PRKN: variants seen among roughly 807,000 people sequenced by gnomAD.
PRKN encodes the protein E3 ubiquitin-protein ligase parkin.
PRKN carries 56 observed loss-of-function variants against 59.5 expected under a neutral mutation model. The observed-to-expected ratio is 0.94, with a 90% CI of 0.76 to 1.18. The LOEUF (loss-of-function observed/expected upper bound fraction) is 1.18. PRKN is among the 50% of genes most tolerant of loss of function. The pLI, the probability that PRKN is intolerant of heterozygous loss-of-function variation, is 0.00. For synonymous variants in PRKN, 250 were observed against 222.1 expected (o/e 1.13, Z -1.12); for missense variants, 657 against 596.4 (o/e 1.10, Z -1.06).
chr6:162,674,537 A>T (rs1278732342), intron 1 of PRKN, among the ~76,000 whole-genome samples: 3 of 152,190 alleles, frequency 2.0e-5, no homozygotes, highest in Non-Finnish European at 4.4e-5. Context: ...AGGACACGAG[A>T]AGCTGATGGT....
At chr6:162,727,754 TGGGTTAAATCCTCCA>T in exon 1 of PRKN, 1 of 1,412,582 alleles carries the variant, frequency 7.1e-7, no homozygotes, top group Non-Finnish European at 9.8e-7. Flanking sequence ...GCGGCTCTCC[TGGGTTAAATCCTCCA>T]GGCCTCCCCG....
chr6:162,084,675 A>T (rs76893234), intron 4 of PRKN, among the ~76,000 whole-genome samples: 132 of 152,248 alleles, frequency 8.7e-4, no homozygotes, highest in Non-Finnish European at 1.3e-3. Flanking sequence ...CTACTGCTAT[A>T]TTCAATGAAA....
Position 161,407,586 on chromosome 6 carries a change from G to C in PRKN, c.1084-20709C>G, listed in dbSNP as rs888435184. Among the ~76,000 whole-genome samples the C allele has an allele frequency of 6.6e-6, 1 of 152,172 alleles. No individual in the cohort carries two copies. The highest frequency in any genetic ancestry group is 2.4e-5 in the African/African-American group (1 of 41,420). On this transcript the variant is annotated intron_variant, in intron 9 of 11. Coordinates refer to ENST00000366898, the MANE Select transcript of PRKN (RefSeq NM_004562.3). This position sits in a 1 kb window ranked among gnomAD's most constrained non-coding sequence, Gnocchi z 4.9. ...ACACAAAAAGGTACTTCTTAGAGTT[G>C]AGGATAAGTGTTGGATGCAAAGCTG...
At chr6:162,535,908 A>AG (rs1187320758) in intron 1 of PRKN, among the ~76,000 whole-genome samples, 6 of 118,284 alleles carry the variant, frequency 5.1e-5, no homozygotes, top group Non-Finnish European at 1.1e-4. Flanking sequence ...ACCCTGTCTC[A>AG]AAAAAAAAAA....
At chr6:161,416,623 G>C (rs1787864302) in intron 9 of PRKN, among the ~76,000 whole-genome samples, 1 of 152,098 alleles carries the variant, frequency 6.6e-6, no homozygotes, top group South Asian at 2.1e-4. Flanking sequence ...AGCCTCATCC[G>C]CTGCTGCCTC....
chr6:162,539,090 C>T (rs1476023439), intron 1 of PRKN, among the ~76,000 whole-genome samples: 2 of 152,098 alleles, frequency 1.3e-5, no homozygotes, highest in Non-Finnish European at 2.9e-5. Flanking sequence ...AAATAGAAAC[C>T]AGGGGACATA....
chr6:161,467,491 C>T lies in PRKN; in HGVS notation c.1084-80614G>A, dbSNP rs1297065389. 6.6e-6 allele frequency among the ~76,000 whole-genome samples: 1 copy of T among 152,078 alleles called. No homozygotes were observed. Among genetic ancestry groups the T allele is most frequent in the Non-Finnish European group, 1.5e-5 (1 of 68,028 alleles). ...GGCATTTCTCTGTAAGCATATGGTC[C>T]AATGGGGAAGACCTAGATACAATTT... is the stretch of plus-strand genomic sequence containing the variant. On this transcript the variant is annotated intron_variant, in intron 9 of 11. Transcript: ENST00000366898. This position sits in a 1 kb window ranked among gnomAD's most constrained non-coding sequence, Gnocchi z 4.3.
intron 2 of PRKN, among the ~76,000 whole-genome samples, chr6:162,277,699 T>C (rs894472473): frequency 1.3e-5 from 2 of 151,620 alleles, no homozygotes; most frequent in South Asian, 4.1e-4. Context: ...CCACATCTTA[T>C]GTCCTCAGGG....
Position 162,321,024 on chromosome 6 carries a change from T to A in PRKN, c.172-58259A>T, listed in dbSNP as rs997763595. 2.6e-5 allele frequency among the ~76,000 whole-genome samples: 4 copies of A among 151,542 alleles called. No individual in the cohort carries two copies. In the South Asian group the frequency reaches 6.2e-4, roughly 24 times the overall value. ...AGAAGAAAAAAGAAAACAATAACGATCAAGGTGAAAAATCACTGGTTGAGA... is the reference window on the plus strand; with the variant it reads ...AGAAGAAAAAAGAAAACAATAACGAACAAGGTGAAAAATCACTGGTTGAGA... On this transcript the variant is annotated intron_variant, in intron 2 of 11. Coordinates refer to ENST00000366898, the MANE Select transcript of PRKN (RefSeq NM_004562.3).
At position 161,514,635 on chromosome 6, in the gene PRKN, T is replaced by C. The variant is rs146270811; in HGVS notation, c.1083+34219A>G. ...GTGATGGGTGGGGAGGAAACTGGAGTTGGGGGATAGCCGTTTGTCCTGATG... is the reference window on the plus strand; with the variant it reads ...GTGATGGGTGGGGAGGAAACTGGAGCTGGGGGATAGCCGTTTGTCCTGATG... On this transcript the variant is annotated intron_variant, in intron 9 of 11. Transcript: ENST00000366898. 4.2e-3 allele frequency among the ~76,000 whole-genome samples: 636 copies of C among 151,268 alleles called. 11 individuals carry two copies. Among genetic ancestry groups the C allele is most frequent in the East Asian group, 0.026 (132 of 5,114 alleles).
chr6:162,719,905 A>C (rs1301104394), intron 1 of PRKN, among the ~76,000 whole-genome samples: 208 of 27,346 alleles, frequency 7.6e-3, no homozygotes, highest in Middle Eastern at 0.01. Context: ...AAAAAAAAAA[A>C]AAAAAAAAAA....
intron 1 of PRKN, among the ~76,000 whole-genome samples, chr6:162,470,612 G>A (rs990106541): frequency 3.3e-5 from 5 of 152,110 alleles, no homozygotes; most frequent in Non-Finnish European, 5.9e-5. Flanking sequence ...TGCTTGTGAA[G>A]CATACATTCT....
At chr6:162,200,660 A>G (rs1784687900) in intron 4 of PRKN, among the ~76,000 whole-genome samples, 1 of 152,006 alleles carries the variant, frequency 6.6e-6, no homozygotes, top group Non-Finnish European at 1.5e-5. Flanking sequence ...GCTGATCCAT[A>G]CTCTTTTTTT....
rs1786204669 is a variant in PRKN, at chr6:161,385,577, T to G, written c.1167+1217A>C. ...TTCCCTTACAGCTACTGTTTCCAAATAAATACTGTAGATGCCAGAGTATCA... is the reference window on the plus strand; with the variant it reads ...TTCCCTTACAGCTACTGTTTCCAAAGAAATACTGTAGATGCCAGAGTATCA... On this transcript the variant is annotated intron_variant, in intron 10 of 11. Coordinates refer to ENST00000366898, the MANE Select transcript of PRKN (RefSeq NM_004562.3). The surrounding 1 kb of genome is among the most constrained non-coding windows in gnomAD (Gnocchi z 4.9). Among the ~76,000 whole-genome samples the G allele has an allele frequency of 6.6e-6, 1 of 152,182 alleles. No homozygotes were observed. The highest frequency in any genetic ancestry group is 2.1e-4 in the South Asian group (1 of 4,832).
At chr6:161,815,049 G>A (rs956571008) in intron 6 of PRKN, among the ~76,000 whole-genome samples, 2 of 152,176 alleles carry the variant, frequency 1.3e-5, no homozygotes, top group South Asian at 4.1e-4. Context: ...CTCTCTAGGT[G>A]TGTGCAACCA....
intron 1 of PRKN, among the ~76,000 whole-genome samples, chr6:162,657,735 G>A (rs1316100686): frequency 3.3e-5 from 5 of 152,158 alleles, no homozygotes; most frequent in Non-Finnish European, 1.5e-5. Context: ...CCATATTGTA[G>A]TCAGATGTGA....
intron 7 of PRKN, among the ~76,000 whole-genome samples, chr6:161,570,084 C>A (rs1161588156): frequency 7.3e-6 from 1 of 137,870 alleles, no homozygotes; most frequent in Admixed American, 8.0e-5. Context: ...AGACTTTCAC[C>A]TTTTCCTTCT....
intron 7 of PRKN, among the ~76,000 whole-genome samples, chr6:161,745,377 G>A (rs74658339): frequency 0.026 from 3,913 of 152,236 alleles, 175 homozygotes; most frequent in African/African-American, 0.09. Flanking sequence ...GGGAACCCAG[G>A]AGTCATGGGG....
Position 161,560,558 on chromosome 6 carries a change from T to C in PRKN, c.933+8797A>G, listed in dbSNP as rs968114252. ...TCATCATTCTGGGGACTTGAACTCC[T>C]GTATGAATAAGCCACCATCAATCTA... On this transcript the variant is annotated intron_variant, in intron 8 of 11. Transcript: ENST00000366898. The surrounding 1 kb of genome is among the most constrained non-coding windows in gnomAD (Gnocchi z 4.9). Among the ~76,000 whole-genome samples, 7 of 152,200 alleles carry C rather than the reference T, an allele frequency of 4.6e-5. No individual in the cohort carries two copies. Among genetic ancestry groups the C allele is most frequent in the Admixed American group, 4.6e-4 (7 of 15,278 alleles).
Sources: gnomAD v4.1 joint callset for allele counts (sites outside exome capture counted in the v4.1 genomes callset) on GRCh38, gnomAD v4.1.1 for gene constraint, Gnocchi (gnomAD v3.1) non-coding constraint, MANE v1.5 for transcripts, NCBI Gene and HGNC (gene_info 2026-07-23, HGNC 2026-07-21) for gene names.